The following ATIC variants were observed in gnomAD, a reference collection of about 807,000 sequenced individuals.
ATIC encodes the protein bifunctional purine biosynthesis protein ATIC.
A neutral mutation model predicts 72.5 loss-of-function variants in ATIC; 64 were observed. The observed-to-expected ratio is 0.88, with a 90% CI of 0.72 to 1.09. The LOEUF is 1.09. ATIC is among the 50% of genes least tolerant of loss of function. The probability of loss-of-function intolerance (pLI) is 0.00; values close to 1 mark genes in which losing one functional copy is unlikely to be tolerated. For synonymous variants in ATIC, 281 were observed against 267.1 expected, an observed-to-expected ratio of 1.05 and a Z score of -0.51; for missense variants, 787 against 732.4, an observed-to-expected ratio of 1.07 and a Z score of -0.86.
Position 215,318,158 on chromosome 2 carries a change from G to A in ATIC, c.148G>A (p.Asp50Asn), listed in dbSNP as rs2052729229. The A allele has an allele frequency of 1.2e-6, 2 of 1,613,872 alleles. No homozygotes were observed. Among genetic ancestry groups the A allele is most frequent in the Non-Finnish European group, 1.7e-6 (2 of 1,179,772 alleles). Reference protein sequence around the residue: ...ALRDAGLAVRDVSELTGFPEM... With the variant: ...ALRDAGLAVRNVSELTGFPEM... ...CCATTCTGTTTATCTGTTTTTCAGA[G>A]ATGTCTCTGAGTTGACGGGATTTCC... The change falls in exon 3 of 16, where the codon GAT becomes AAT. Residue 50 changes from aspartate (D) to asparagine (N), a missense_variant and splice_region_variant. By Grantham distance (23) the Asp-to-Asn change is conservative. Transcript: ENST00000236959.
chr2:215,321,784 G>A (rs748008268), intron 4 of ATIC, among the ~76,000 whole-genome samples: 29 of 152,202 alleles, frequency 1.9e-4, no homozygotes, highest in Non-Finnish European at 3.8e-4. Context: ...AGAAATGTCT[G>A]TTGAGACCTC....
chr2:215,367,768 C>G, the ATIC span: 1 of 1,215,306 alleles, frequency 8.2e-7, no homozygotes, highest in East Asian at 2.4e-5. Flanking sequence ...TTTGGAAGAA[C>G]CTGTGTCTTC....
At chr2:215,346,402 CCTT>C (rs1299965006) in intron 13 of ATIC, among the ~76,000 whole-genome samples, 1 of 151,906 alleles carries the variant, frequency 6.6e-6, no homozygotes, top group East Asian at 1.9e-4. Flanking sequence ...CTCAAGCAAT[CCTT>C]CTGTCCTAAC....
intron 12 of ATIC, among the ~76,000 whole-genome samples, chr2:215,340,063 C>T (rs1313592584): frequency 6.6e-6 from 1 of 152,180 alleles, no homozygotes; most frequent in African/African-American, 2.4e-5. Flanking sequence ...GATCATAGCT[C>T]ACTGCAACGT....
Position 215,318,225 on chromosome 2 carries a change from T to C in ATIC, c.215T>C (p.Val72Ala). 6.2e-7 allele frequency: 1 copy of C among 1,613,572 alleles called. No individual in the cohort carries two copies. Residue 72 changes from valine (V) to alanine (A), a missense_variant, in exon 3 of 16, where the codon GTC (valine) becomes GCC (alanine). Physicochemically the swap from Val to Ala is moderately conservative, Grantham distance 64. Transcript: ENST00000236959. ...GGRVKTLHPA[V>A]HAGILARNIP... ...CGTGTGAAAACTTTGCATCCTGCAG[T>C]CCATGCTGGTAAGTGGTTGGTATCT...
chr2:215,312,409 G>C lies in ATIC; in HGVS notation c.20-89G>C, dbSNP rs894587960. On this transcript the variant is annotated intron_variant, in intron 1 of 15. Coordinates refer to ENST00000236959, the MANE Select transcript of ATIC (RefSeq NM_004044.7). ...GGTCCAGGTGCTGGCCTTGCGATTC[G>C]AGAATCTCCTCCCCCAGACCCTCCC... The C allele has an allele frequency of 5.6e-6, 9 of 1,607,352 alleles. No homozygotes were observed. In the African/African-American group the frequency reaches 9.4e-5, roughly 17 times the overall value.
Position 215,344,843 on chromosome 2 carries a change from ACT to A in ATIC, c.1295_1296del (p.Ser432CysfsTer29), listed in dbSNP as rs750764514. The A allele has an allele frequency of 3.7e-6, 6 of 1,613,776 alleles. No homozygotes were observed. In the South Asian group the frequency reaches 5.5e-5, roughly 15 times the overall value. ...ATTGCTGTCAAGTACACTCAGTCTAACTCTGTGTGCTACGCCAAGAACGGGCA... is the reference window on the plus strand; with the variant it reads ...ATTGCTGTCAAGTACACTCAGTCTAACTGTGTGCTACGCCAAGAACGGGCA... On this transcript the variant is annotated frameshift_variant, in exon 13 of 16. Transcript: ENST00000236959. LOFTEE classifies it high-confidence loss of function.
intron 7 of ATIC, among the ~76,000 whole-genome samples, chr2:215,330,652 C>T (rs1471020549): frequency 6.6e-6 from 1 of 152,094 alleles, no homozygotes; most frequent in Non-Finnish European, 1.5e-5. Context: ...GCTCCTCCGC[C>T]TCATCCCTCC....
At chr2:215,367,805 G>A in the ATIC span, 1 of 1,542,702 alleles carries the variant, frequency 6.5e-7, no homozygotes, top group Non-Finnish European at 9.0e-7. Flanking sequence ...GCACATGAGT[G>A]CATGCATGGA....
chr2:215,344,637 T>G, intron 12 of ATIC, 142 bp from the exon 13 acceptor site: 26 of 763,444 alleles, frequency 3.4e-5, no homozygotes, highest in Non-Finnish European at 4.0e-5. Context: ...ATTGTGCCGT[T>G]GGAGATTGTC....
chr2:215,315,960 A>AC (rs1371668115), intron 2 of ATIC, among the ~76,000 whole-genome samples: 5 of 152,084 alleles, frequency 3.3e-5, no homozygotes, highest in Non-Finnish European at 7.4e-5. Flanking sequence ...GTCTCAAAAA[A>AC]AAAAAAAAAG....
At chr2:215,312,359 G>A in intron 1 of ATIC, 139 bp from the exon 2 acceptor site, 3 of 1,536,546 alleles carry the variant, frequency 2.0e-6, no homozygotes, top group Non-Finnish European at 1.8e-6. Context: ...ACCTGGGGAG[G>A]CCCGGACCAG....
At chr2:215,319,818 AC>A (rs1476823814) in intron 4 of ATIC, 87 bp downstream of exon 4, 10 of 1,114,894 alleles carry the variant, frequency 9.0e-6, no homozygotes, top group Non-Finnish European at 1.4e-5. Context: ...TTTCTTACTC[AC>A]TATAAACCTT....
Position 215,326,052 on chromosome 2 carries a change from G to A in ATIC, c.445G>A (p.Glu149Lys). 1 of 1,614,204 alleles carries A rather than the reference G, an allele frequency of 6.2e-7. No homozygotes were observed. Among genetic ancestry groups the A allele is most frequent in the Non-Finnish European group, 8.5e-7 (1 of 1,180,026 alleles). The change falls in exon 6 of 16, where the codon GAG (glutamate) becomes AAG (lysine). Residue 149 changes from glutamate to lysine, a missense_variant. Coordinates refer to ENST00000236959, the MANE Select transcript of ATIC (RefSeq NM_004044.7). ...TCGAGTGACAGTGGTGTGTGAACCAGAGGACTATGTGGTGGTGTCCACGGA... is the reference window on the plus strand; with the variant it reads ...TCGAGTGACAGTGGTGTGTGAACCAAAGGACTATGTGGTGGTGTCCACGGA... ...HARVTVVCEP[E>K]DYVVVSTEMQ...
At chr2:215,347,000 G>A in intron 14 of ATIC, 59 bp downstream of exon 14, 2 of 1,574,100 alleles carry the variant, frequency 1.3e-6, no homozygotes, top group South Asian at 2.2e-5. Flanking sequence ...CCCTTTATGT[G>A]TAACAGATTT....
intron 14 of ATIC, among the ~76,000 whole-genome samples, chr2:215,348,215 A>C (rs1373193428): frequency 1.3e-5 from 2 of 152,196 alleles, no homozygotes; most frequent in Non-Finnish European, 1.5e-5. Flanking sequence ...AACCATAGCA[A>C]ATATTATGAA....
chr2:215,362,293 A>G, the ATIC span: 5 of 562,192 alleles, frequency 8.9e-6, no homozygotes, highest in Admixed American at 5.7e-5. Flanking sequence ...CTGTCTCTCT[A>G]TGTTGTTTCT....
intron 14 of ATIC, chr2:215,348,549 G>A (rs2053095471): frequency 6.1e-6 from 2 of 328,650 alleles, no homozygotes; most frequent in Non-Finnish European, 1.2e-5. Flanking sequence ...AAGTAAAATG[G>A]TATTATCTTT....
At chr2:215,340,865 T>C (rs1303914345) in intron 12 of ATIC, among the ~76,000 whole-genome samples, 1 of 152,236 alleles carries the variant, frequency 6.6e-6, no homozygotes, top group African/African-American at 2.4e-5. Context: ...GAGAAAAGCA[T>C]AGACTGTCAG....
Sources: gnomAD v4.1 joint callset for allele counts (sites outside exome capture counted in the v4.1 genomes callset) on GRCh38, gnomAD v4.1.1 for gene constraint, MANE v1.5 for transcripts, NCBI Gene and HGNC (gene_info 2026-07-23, HGNC 2026-07-21) for gene names.